Variants in ITPK1 observed in about 807,000 individuals in gnomAD.
ITPK1 encodes inositol-tetrakisphosphate 1-kinase, also known as inositol 1,3,4-trisphosphate 5/6-kinase.
A neutral mutation model predicts 45.3 loss-of-function variants in ITPK1; 21 were observed. The ratio of observed to expected loss-of-function variants is 0.46; its 90% CI spans 0.33 to 0.67. The LOEUF (loss-of-function observed/expected upper bound fraction) is 0.67. Ranked by LOEUF, ITPK1 falls within the 30% of genes least tolerant of loss-of-function variation. The pLI, the probability that ITPK1 is intolerant of heterozygous loss-of-function variation, is 0.02. For synonymous variants in ITPK1, 258 were observed against 253.6 expected (o/e 1.02, Z -0.16); for missense variants, 474 against 573.5 (o/e 0.83, Z 1.77).
chr14:93,001,232 G>A (rs1887336645), intron 4 of ITPK1, among the ~76,000 whole-genome samples: 1 of 152,138 alleles, frequency 6.6e-6, no homozygotes, highest in African/African-American at 2.4e-5. Flanking sequence ...GGCAGAGGTT[G>A]CATGAGCTGA....
chr14:93,055,266 A>G (rs1006581126), intron 3 of ITPK1, among the ~76,000 whole-genome samples: 2 of 152,158 alleles, frequency 1.3e-5, no homozygotes, highest in Non-Finnish European at 2.9e-5. Flanking sequence ...GCTGCTGGGA[A>G]CATTCATTCT....
In ITPK1 at chr14:93,076,765, G is replaced by A. The variant is rs1891238364; in HGVS notation, c.96-146C>T. ...CTGCGCCTCTCCTGCTACTGTCCCA[G>A]AACAGCCATGCCTTCCACTCCCAGC... On this transcript the variant is annotated intron_variant, in intron 2 of 10. Coordinates refer to ENST00000267615, the MANE Select transcript of ITPK1 (RefSeq NM_014216.6). This position sits in a 1 kb window ranked among gnomAD's most constrained non-coding sequence, Gnocchi z 4.3. The A allele has an allele frequency of 8.1e-6, 7 of 867,822 alleles. No homozygotes were observed. Among genetic ancestry groups the A allele is most frequent in the African/African-American group, 1.7e-5 (1 of 60,418 alleles). The allele number at this position is 867,822 out of a possible 1,614,324, so 53.8% of individuals were successfully genotyped here. A position where few individuals can be genotyped will look rare whatever the true frequency, so the allele number is the denominator to read the frequency against.
chr14:92,986,079 G>A (rs973058402), intron 5 of ITPK1, among the ~76,000 whole-genome samples: 2 of 152,218 alleles, frequency 1.3e-5, no homozygotes, highest in East Asian at 3.8e-4. Flanking sequence ...ACTGGACTGA[G>A]AGTCGGAAAG....
chr14:93,112,259 C>T (rs1173035623), intron 2 of ITPK1, among the ~76,000 whole-genome samples: 1 of 152,110 alleles, frequency 6.6e-6, no homozygotes, highest in Non-Finnish European at 1.5e-5. Flanking sequence ...AGTCCGGAAC[C>T]TGCCCCCTCT....
intron 2 of ITPK1, among the ~76,000 whole-genome samples, chr14:93,080,298 A>G (rs1891385786): frequency 6.6e-6 from 1 of 152,216 alleles, no homozygotes; most frequent in African/African-American, 2.4e-5. Context: ...GGGGTGGCCG[A>G]GGGACTTCCT....
chr14:92,949,940 G>A (rs12878838), intron 9 of ITPK1, among the ~76,000 whole-genome samples: 14,078 of 152,156 alleles, frequency 0.093, 682 homozygotes, highest in South Asian at 0.22. Context: ...CTCGGCACCC[G>A]GCTGCCGAGA....
intron 3 of ITPK1, among the ~76,000 whole-genome samples, chr14:93,054,351 T>A (rs930219848): frequency 6.6e-6 from 1 of 152,152 alleles, no homozygotes. Flanking sequence ...GAAAACAGCA[T>A]CCAGACAACG....
rs79797859 is a variant in ITPK1 at position 92,950,646 on chromosome 14, T to C, written c.738+1300A>G. Among the ~76,000 whole-genome samples, 235 of 152,334 alleles carry C rather than the reference T, an allele frequency of 1.5e-3. 2 individuals are homozygous for C. Among genetic ancestry groups the C allele is most frequent in the Admixed American group, 0.013 (193 of 15,310 alleles). On this transcript the variant is annotated intron_variant, in intron 9 of 10. Coordinates refer to ENST00000267615, the MANE Select transcript of ITPK1 (RefSeq NM_014216.6). ...ACAGTGACTTCTGGATGGGTCCTTC[T>C]GCCATCACGGCTGCTGGCCTTGCCC...
At chr14:92,972,195 C>T (rs1210162681) in intron 5 of ITPK1, among the ~76,000 whole-genome samples, 1 of 152,240 alleles carries the variant, frequency 6.6e-6, no homozygotes, top group Non-Finnish European at 1.5e-5. Flanking sequence ...GCCTCCGCAG[C>T]CTGACTCTGT....
chr14:93,102,498 C>T (rs1463954642), intron 2 of ITPK1, among the ~76,000 whole-genome samples: 2 of 152,162 alleles, frequency 1.3e-5, no homozygotes, highest in East Asian at 3.8e-4. Context: ...CTGGGCTGGG[C>T]GTGGTGGCTC....
chr14:93,016,582 C>G lies in ITPK1; in HGVS notation c.246+94G>C. ...TTCTCCAGACTATACCTCCAGAGAG[C>G]TGCTACCGCCCTAAATACACACACG... On this transcript the variant is annotated intron_variant, in intron 4 of 10. Transcript: ENST00000267615. This position sits in a 1 kb window ranked among gnomAD's most constrained non-coding sequence, Gnocchi z 5.0. 1 of 1,402,082 alleles carries G rather than the reference C, an allele frequency of 7.1e-7. No individual in the cohort carries two copies. The highest frequency in any genetic ancestry group is 9.9e-7 in the Non-Finnish European group (1 of 1,013,100). The allele number at this position is 1,402,082 out of a possible 1,614,324, so 86.9% of individuals were successfully genotyped here.
intron 4 of ITPK1, among the ~76,000 whole-genome samples, chr14:93,010,167 A>G (rs1367508385): frequency 2.6e-5 from 4 of 152,190 alleles, no homozygotes; most frequent in East Asian, 1.9e-4. Context: ...ACTGGTCAGC[A>G]GGCACAAAGG....
At position 93,036,183 on chromosome 14, in the gene ITPK1, G is replaced by A. The variant is rs564681278; in HGVS notation, c.121-19382C>T. On this transcript the variant is annotated intron_variant, in intron 3 of 10. Coordinates refer to ENST00000267615, the MANE Select transcript of ITPK1 (RefSeq NM_014216.6). This position sits in a 1 kb window ranked among gnomAD's most constrained non-coding sequence, Gnocchi z 4.1. ...CAAGGTCGGTAACTTCAAGAGCTGC[G>A]GGGAGCAGAGGCCACAACCGGAGGG... Among the ~76,000 whole-genome samples, 13 of 152,112 alleles carry A rather than the reference G, an allele frequency of 8.5e-5. No individual in the cohort carries two copies. Among genetic ancestry groups the A allele is most frequent in the Non-Finnish European group, 1.6e-4 (11 of 68,012 alleles).
intron 3 of ITPK1, among the ~76,000 whole-genome samples, chr14:93,043,621 C>T (rs1283701422): frequency 6.6e-6 from 1 of 152,266 alleles, no homozygotes; most frequent in Admixed American, 6.5e-5. Flanking sequence ...GCACTCAGGC[C>T]GTAGCCAGCC....
At chr14:93,094,825 C>A (rs1185490817) in intron 2 of ITPK1, among the ~76,000 whole-genome samples, 4 of 152,216 alleles carry the variant, frequency 2.6e-5, no homozygotes, top group African/African-American at 9.6e-5. Flanking sequence ...CTTCCAGGGG[C>A]TCCCCACAGC....
At chr14:92,997,334 A>G (rs1184642350) in intron 4 of ITPK1, among the ~76,000 whole-genome samples, 1 of 152,236 alleles carries the variant, frequency 6.6e-6, no homozygotes, top group Non-Finnish European at 1.5e-5. Context: ...TCATTAAGAC[A>G]TGAAGTTAAG....
At chr14:93,047,994 A>G (rs776986608) in intron 3 of ITPK1, among the ~76,000 whole-genome samples, 3 of 152,232 alleles carry the variant, frequency 2.0e-5, no homozygotes, top group Non-Finnish European at 4.4e-5. Context: ...TGCCAGACCT[A>G]TCTCTGGACC....
Position 93,076,997 on chromosome 14 carries a change from T to C in ITPK1, c.96-378A>G, listed in dbSNP as rs953673119. ...CCGTCCCTGCCGAGCTCAACCCCCA[T>C]AGGTCCCCATGTCCTCCCCATCAGG... On this transcript the variant is annotated intron_variant, in intron 2 of 10. Coordinates refer to ENST00000267615, the MANE Select transcript of ITPK1 (RefSeq NM_014216.6). This position sits in a 1 kb window ranked among gnomAD's most constrained non-coding sequence, Gnocchi z 4.3. Among the ~76,000 whole-genome samples the C allele has an allele frequency of 2.0e-5, 3 of 152,028 alleles. No individual in the cohort carries two copies. The highest frequency in any genetic ancestry group is 2.9e-5 in the Non-Finnish European group (2 of 67,988).
At chr14:93,024,198 GAGGA>G (rs1201908070) in intron 3 of ITPK1, among the ~76,000 whole-genome samples, 1 of 152,184 alleles carries the variant, frequency 6.6e-6, no homozygotes, top group Non-Finnish European at 1.5e-5. Context: ...GCCAGGCCTG[GAGGA>G]AGGAACTCGC....
Sources: allele counts gnomAD v4.1 joint callset (sites outside exome capture counted in the v4.1 genomes callset), GRCh38; gene constraint gnomAD v4.1.1; non-coding constraint Gnocchi (gnomAD v3.1); transcripts MANE v1.5; gene names NCBI Gene and HGNC (gene_info 2026-07-23, HGNC 2026-07-21).